HS3ST5: variants seen among roughly 807,000 people sequenced by gnomAD.
HS3ST5 encodes the protein heparan sulfate-glucosamine 3-sulfotransferase 5, also known as heparan sulfate glucosamine 3-O-sulfotransferase 5.
In HS3ST5, 10 loss-of-function variants were observed where a neutral mutation model predicts 25.4. The observed-to-expected ratio is 0.39, with a 90% CI of 0.24 to 0.67. The LOEUF (loss-of-function observed/expected upper bound fraction) is 0.67. Among genes scored for constraint, HS3ST5 ranks in the 30% least tolerant of loss-of-function variants. HS3ST5 has a pLI of 0.44. For missense variants in HS3ST5, 324 were observed against 420.7 expected, an observed-to-expected ratio of 0.77 and a Z score of 2.01; for synonymous variants, 170 against 162.4, an observed-to-expected ratio of 1.05 and a Z score of -0.36.
chr6:114,091,501 C>T (rs1367719847), intron 3 of HS3ST5, among the ~76,000 whole-genome samples: 1 of 148,478 alleles, frequency 6.7e-6, no homozygotes, highest in African/African-American at 2.5e-5. Context: ...CATGGTGAAA[C>T]CCCATCTCTA....
chr6:114,209,307 A>G (rs1036448592), intron 2 of HS3ST5, among the ~76,000 whole-genome samples: 2 of 151,978 alleles, frequency 1.3e-5, no homozygotes, highest in African/African-American at 2.4e-5. Flanking sequence ...TTTTTAAAAA[A>G]TGTGCATTTT....
At chr6:114,262,415 C>T (rs1324601246) in intron 1 of HS3ST5, among the ~76,000 whole-genome samples, 1 of 152,038 alleles carries the variant, frequency 6.6e-6, no homozygotes, top group Non-Finnish European at 1.5e-5. Flanking sequence ...GGCGTGGTGG[C>T]AGGCACCTGT....
chr6:114,138,972 T>C (rs1777770830), intron 3 of HS3ST5, among the ~76,000 whole-genome samples: 2 of 152,156 alleles, frequency 1.3e-5, no homozygotes, highest in Admixed American at 1.3e-4. Context: ...CAGATCCCAT[T>C]CATTAGGGCT....
intron 3 of HS3ST5, among the ~76,000 whole-genome samples, chr6:114,127,982 G>C (rs1425753919): frequency 6.6e-6 from 1 of 151,244 alleles, no homozygotes; most frequent in Non-Finnish European, 1.5e-5. Flanking sequence ...TTTATAGCCT[G>C]CTTCCTCTAA....
intron 3 of HS3ST5, among the ~76,000 whole-genome samples, chr6:114,155,604 G>A (rs1311127596): frequency 6.6e-6 from 1 of 152,014 alleles, no homozygotes; most frequent in African/African-American, 2.4e-5. Flanking sequence ...TTAGAGTGTC[G>A]ACCTCATCTA....
intron 3 of HS3ST5, among the ~76,000 whole-genome samples, chr6:114,117,989 G>A (rs1776612998): frequency 6.6e-6 from 1 of 152,138 alleles, no homozygotes; most frequent in Non-Finnish European, 1.5e-5. Context: ...ACCTAGAGAG[G>A]TATGTTAATA....
chr6:114,127,133 C>A (rs1777080669), intron 3 of HS3ST5, among the ~76,000 whole-genome samples: 1 of 152,096 alleles, frequency 6.6e-6, no homozygotes, highest in Non-Finnish European at 1.5e-5. Flanking sequence ...ATGCCTGTAA[C>A]CCCAGCATTT....
chr6:114,198,883 C>G (rs1780884217), intron 2 of HS3ST5, among the ~76,000 whole-genome samples: 1 of 152,040 alleles, frequency 6.6e-6, no homozygotes, highest in African/African-American at 2.4e-5. Flanking sequence ...GACATATACA[C>G]ACACACACCT....
At chr6:114,163,123 T>C (rs1779050309) in intron 3 of HS3ST5, among the ~76,000 whole-genome samples, 2 of 152,196 alleles carry the variant, frequency 1.3e-5, no homozygotes, top group Non-Finnish European at 2.9e-5. Context: ...TTGTGACTTG[T>C]GGTATTTCAG....
At chr6:114,076,674 G>A (rs1234459064) in intron 3 of HS3ST5, among the ~76,000 whole-genome samples, 1 of 152,184 alleles carries the variant, frequency 6.6e-6, no homozygotes, top group Non-Finnish European at 1.5e-5. Flanking sequence ...GAGGAAAATT[G>A]TCATAAAGAA....
intron 2 of HS3ST5, among the ~76,000 whole-genome samples, chr6:114,206,734 A>G (rs960606847): frequency 6.6e-6 from 1 of 152,256 alleles, no homozygotes; most frequent in Non-Finnish European, 1.5e-5. Context: ...GTTACTAAAC[A>G]TACAGTATTT....
At chr6:114,091,513 T>TAA (rs11397130) in intron 3 of HS3ST5, among the ~76,000 whole-genome samples, 7 of 146,218 alleles carry the variant, frequency 4.8e-5, no homozygotes, top group South Asian at 2.2e-4. Flanking sequence ...CCATCTCTAC[T>TAA]AAAAAAAAAA....
intron 1 of HS3ST5, among the ~76,000 whole-genome samples, chr6:114,246,454 A>C (rs1772383527): frequency 6.6e-6 from 1 of 152,222 alleles, no homozygotes; most frequent in South Asian, 2.1e-4. Flanking sequence ...GCTTTAACGT[A>C]TAATCAAGAG....
chr6:114,281,149 C>A (rs1466566391), intron 1 of HS3ST5, among the ~76,000 whole-genome samples: 2 of 152,004 alleles, frequency 1.3e-5, no homozygotes, highest in African/African-American at 4.8e-5. Flanking sequence ...TACCATATCT[C>A]CATCTCTGAT....
chr6:114,176,345 T>C (rs1302227276), intron 2 of HS3ST5, among the ~76,000 whole-genome samples: 1 of 152,206 alleles, frequency 6.6e-6, no homozygotes, highest in East Asian at 1.9e-4. Flanking sequence ...TACTAAGTTA[T>C]ACATAAATGA....
chr6:114,196,708 G>A (rs1343497112), intron 2 of HS3ST5, among the ~76,000 whole-genome samples: 2 of 151,840 alleles, frequency 1.3e-5, no homozygotes, highest in East Asian at 3.8e-4. Flanking sequence ...AGCCTAGGAA[G>A]TAAGAGTCAC....
chr6:114,161,564 T>TAC (rs1778970562), intron 3 of HS3ST5, among the ~76,000 whole-genome samples: 2 of 95,786 alleles, frequency 2.1e-5, no homozygotes, highest in South Asian at 3.1e-4. Flanking sequence ...TATATATATA[T>TAC]ATATATATAT....
intron 3 of HS3ST5, among the ~76,000 whole-genome samples, chr6:114,159,839 C>G (rs540845465): frequency 6.6e-6 from 1 of 152,266 alleles, no homozygotes; most frequent in South Asian, 2.1e-4. Context: ...AACATTTGTT[C>G]CAGTCATAGA....
At chr6:114,072,566 A>G (rs549766388) in intron 3 of HS3ST5, among the ~76,000 whole-genome samples, 1 of 152,284 alleles carries the variant, frequency 6.6e-6, no homozygotes, top group Non-Finnish European at 1.5e-5. Context: ...GCATCTGTAC[A>G]ATGGAATACT....
Sources: gnomAD v4.1 joint callset for allele counts (sites outside exome capture counted in the v4.1 genomes callset) on GRCh38, gnomAD v4.1.1 for gene constraint, MANE v1.5 for transcripts, NCBI Gene and HGNC (gene_info 2026-07-23, HGNC 2026-07-21) for gene names.